The following PKHD1L1 variants were observed in gnomAD, a reference collection of about 807,000 sequenced individuals.
PKHD1L1 encodes the protein PKHD1 like 1.
Under a neutral mutation model 462.9 loss-of-function variants are expected in PKHD1L1, and 434 were observed. That is an observed-to-expected ratio of 0.94 (90% CI 0.87 to 1.02). The LOEUF (loss-of-function observed/expected upper bound fraction) is 1.02. PKHD1L1 is among the 50% of genes least tolerant of loss of function. The pLI is 0.00. For missense variants in PKHD1L1, 5,202 were observed against 5,096.1 expected (o/e 1.02, Z -0.63); for synonymous variants, 1,781 against 1,750.0 (o/e 1.02, Z -0.44).
At chr8:109,406,229 T>C (rs148584507) in intron 16 of PKHD1L1, 106 bp from the exon 17 acceptor site, 229 of 1,102,224 alleles carry the variant, frequency 2.1e-4, no homozygotes, top group Admixed American at 1.3e-3. Flanking sequence ...GTACAGAGTA[T>C]AGGTGCTTTA....
chr8:109,485,040 T>C lies in PKHD1L1; in HGVS notation c.9577-4T>C. 1.3e-6 allele frequency: 2 copies of C among 1,566,610 alleles called. No homozygotes were observed. The highest frequency in any genetic ancestry group is 2.5e-5 in the South Asian group (2 of 80,852). On this transcript the variant is annotated splice_region_variant and splice_polypyrimidine_tract_variant and intron_variant, in intron 57 of 77. Coordinates refer to ENST00000378402, the MANE Select transcript of PKHD1L1 (RefSeq NM_177531.6). ...CTTAAATTTGGCACTTGAATTTTTC[T>C]AAGGAGGGAGAAGAGATTGTGATAA...
At chr8:109,490,602 T>C (rs942202922) in intron 60 of PKHD1L1, among the ~76,000 whole-genome samples, 6 of 151,768 alleles carry the variant, frequency 4.0e-5, no homozygotes, top group Admixed American at 3.9e-4. Flanking sequence ...ACTAAAGTAT[T>C]ATTTTTTGTA....
chr8:109,462,292 A>G (rs1329572432), intron 48 of PKHD1L1, among the ~76,000 whole-genome samples: 1 of 152,112 alleles, frequency 6.6e-6, no homozygotes, highest in African/African-American at 2.4e-5. Flanking sequence ...AGTCAAAGTA[A>G]AATTTTAAAA....
intron 63 of PKHD1L1, among the ~76,000 whole-genome samples, chr8:109,494,559 G>A (rs1818996275): frequency 1.3e-5 from 2 of 151,964 alleles, no homozygotes; most frequent in South Asian, 4.1e-4. Flanking sequence ...AAGAAAGAAA[G>A]CAGAAGAGTT....
Position 109,536,519 on chromosome 8 carries a change from G to A in PKHD1L1, c.*6429G>A, listed in dbSNP as rs939996702. 6.6e-6 allele frequency among the ~76,000 whole-genome samples: 1 copy of A among 152,204 alleles called. No homozygotes were observed. The highest frequency in any genetic ancestry group is 1.5e-5 in the Non-Finnish European group (1 of 68,042). The stretch of plus-strand genomic sequence containing the variant: ...AACAAAAGGTCTTAGACTGCCAGAT[G>A]CTGTTCCCATCAACTCTACTTAATT... On this transcript the variant is annotated 3_prime_UTR_variant, in exon 78 of 78. Coordinates refer to ENST00000378402, the MANE Select transcript of PKHD1L1 (RefSeq NM_177531.6).
intron 2 of PKHD1L1, among the ~76,000 whole-genome samples, chr8:109,373,261 A>G (rs1244474329): frequency 6.6e-6 from 1 of 152,058 alleles, no homozygotes; most frequent in African/African-American, 2.4e-5. Flanking sequence ...GAATTTATCC[A>G]TTTCTTCTAG....
intron 32 of PKHD1L1, among the ~76,000 whole-genome samples, chr8:109,439,533 T>C (rs902852933): frequency 1.3e-5 from 2 of 152,048 alleles, no homozygotes; most frequent in African/African-American, 2.4e-5. Flanking sequence ...GAGTTAGAGG[T>C]ACCAGGTGCA....
intron 2 of PKHD1L1, among the ~76,000 whole-genome samples, chr8:109,367,972 C>A (rs1407096802): frequency 6.6e-6 from 1 of 152,142 alleles, no homozygotes; most frequent in Non-Finnish European, 1.5e-5. Flanking sequence ...TCTTATGATA[C>A]CCAGGCCAAA....
chr8:109,519,846 C>G (rs1467611539), intron 73 of PKHD1L1, among the ~76,000 whole-genome samples: 1 of 152,132 alleles, frequency 6.6e-6, no homozygotes, highest in Non-Finnish European at 1.5e-5. Flanking sequence ...TGCAGCCCCA[C>G]TAGGTTGGGA....
At chr8:109,510,003 A>G (rs1223978975) in intron 70 of PKHD1L1, among the ~76,000 whole-genome samples, 1 of 152,114 alleles carries the variant, frequency 6.6e-6, no homozygotes, top group Non-Finnish European at 1.5e-5. Context: ...CCTGCTCAGA[A>G]AATGTTTGGA....
At position 109,396,082 on chromosome 8, in the gene PKHD1L1, A is replaced by G; in HGVS notation, c.867A>G (p.Thr289=). Residue 289 remains threonine, a synonymous_variant, in exon 11 of 78, where the codon ACA becomes ACG. Coordinates refer to ENST00000378402, the MANE Select transcript of PKHD1L1 (RefSeq NM_177531.6). ...GCATTCGAGGTGGCACCACGCTGACAATAAGTGGGCGTTTCTTTGATCAGA... is the reference window on the plus strand; with the variant it reads ...GCATTCGAGGTGGCACCACGCTGACGATAAGTGGGCGTTTCTTTGATCAGA... The part of the protein sequence containing the change: ...QGSIRGGTTL[T]ISGRFFDQTD... 1.9e-6 allele frequency: 3 copies of G among 1,609,636 alleles called. No homozygotes were observed. Among genetic ancestry groups the G allele is most frequent in the Non-Finnish European group, 2.5e-6 (3 of 1,178,168 alleles).
intron 12 of PKHD1L1, among the ~76,000 whole-genome samples, chr8:109,399,357 A>G (rs1183840000): frequency 6.6e-6 from 1 of 152,150 alleles, no homozygotes; most frequent in African/African-American, 2.4e-5. Context: ...TATTTTCCAC[A>G]TACAGAAAAG....
At chr8:109,438,208 T>G in intron 30 of PKHD1L1, 116 bp from the exon 31 acceptor site, 1 of 783,280 alleles carries the variant, frequency 1.3e-6, no homozygotes. Context: ...ACTCTGATCT[T>G]GACTTTGAAG....
intron 16 of PKHD1L1, 141 bp from the exon 17 acceptor site, chr8:109,406,194 A>G (rs1813525802): frequency 4.3e-6 from 3 of 695,258 alleles, no homozygotes; most frequent in Non-Finnish European, 6.3e-6. Flanking sequence ...TCAAAATACA[A>G]TTTCTCTAAG....
chr8:109,407,766 T>C (rs1047118207), intron 17 of PKHD1L1, among the ~76,000 whole-genome samples: 2 of 152,192 alleles, frequency 1.3e-5, no homozygotes, highest in Non-Finnish European at 2.9e-5. Flanking sequence ...TTCATGGTCC[T>C]AATACATCTG....
At chr8:109,365,411 A>G (rs1811180803) in intron 2 of PKHD1L1, among the ~76,000 whole-genome samples, 1 of 152,128 alleles carries the variant, frequency 6.6e-6, no homozygotes, top group African/African-American at 2.4e-5. Context: ...ATGTCTTTTA[A>G]TGTTTCTAAT....
intron 23 of PKHD1L1, among the ~76,000 whole-genome samples, chr8:109,424,245 T>C (rs1398356729): frequency 2.0e-5 from 3 of 152,194 alleles, no homozygotes; most frequent in Non-Finnish European, 4.4e-5. Context: ...CTTCTTTCAT[T>C]CAATTTTGTG....
Position 109,475,182 on chromosome 8 carries a change from T to C in PKHD1L1, c.8670T>C (p.Ile2890=). Residue 2890 remains isoleucine, a synonymous_variant, in exon 51 of 78, where the codon ATT becomes ATC. Coordinates refer to ENST00000378402, the MANE Select transcript of PKHD1L1 (RefSeq NM_177531.6). The stretch of plus-strand genomic sequence containing the variant: ...ATATGTCTGGATGGATGGCTCTGAT[T>C]CCAAATGCAAATCACATTAACTGGT... The part of the protein sequence containing the change: ...LTHMSGWMAL[I]PNANHINWYF... The C allele has an allele frequency of 1.2e-6, 2 of 1,612,944 alleles. No homozygotes were observed. The highest frequency in any genetic ancestry group is 1.7e-6 in the Non-Finnish European group (2 of 1,179,380).
intron 19 of PKHD1L1, among the ~76,000 whole-genome samples, chr8:109,410,720 C>CTTTTTTTTTTTTT (rs373016127): frequency 1.4e-5 from 1 of 70,338 alleles, no homozygotes; most frequent in African/African-American, 7.1e-5. Flanking sequence ...CTTTTCTTTT[C>CTTTTTTTTTTTTT]TTTTTCTTTT....
Sources: gnomAD v4.1 joint callset for allele counts (sites outside exome capture counted in the v4.1 genomes callset) on GRCh38, gnomAD v4.1.1 for gene constraint, MANE v1.5 for transcripts, NCBI Gene and HGNC (gene_info 2026-07-23, HGNC 2026-07-21) for gene names.